The following FHIP1A variants were observed in gnomAD, a reference collection of about 807,000 sequenced individuals.
FHIP1A encodes FHF complex subunit HOOK interacting protein 1A, also known as FHF complex subunit HOOK-interacting protein 1A.
In FHIP1A, 61 loss-of-function variants were observed where a neutral mutation model predicts 88.6. That is an observed-to-expected ratio of 0.69 (90% CI 0.56 to 0.85). The LOEUF (loss-of-function observed/expected upper bound fraction) is 0.85. Ranked by LOEUF, FHIP1A falls within the 40% of genes least tolerant of loss-of-function variation. The pLI, the probability that FHIP1A is intolerant of heterozygous loss-of-function variation, is 0.00. For synonymous variants in FHIP1A, 478 were observed against 496.0 expected, an observed-to-expected ratio of 0.96 and a Z score of 0.48; for missense variants, 1,154 against 1,273.5, an observed-to-expected ratio of 0.91 and a Z score of 1.43.
At chr4:151,565,889 A>G (rs1300285196) in intron 3 of FHIP1A, among the ~76,000 whole-genome samples, 1 of 152,054 alleles carries the variant, frequency 6.6e-6, no homozygotes, top group Non-Finnish European at 1.5e-5. Flanking sequence ...GGCTGGTTGT[A>G]GTGGAGAGAA....
intron 3 of FHIP1A, among the ~76,000 whole-genome samples, chr4:151,536,985 C>T (rs893878502): frequency 6.6e-6 from 1 of 152,138 alleles, no homozygotes; most frequent in African/African-American, 2.4e-5. Flanking sequence ...AGCGATCCTC[C>T]CACTTCAGCT....
rs1276275182 is a variant in FHIP1A at position 151,664,584 on chromosome 4, C to T, written c.*1830C>T. Among the ~76,000 whole-genome samples the T allele has an allele frequency of 1.3e-5, 2 of 152,232 alleles. No individual in the cohort carries two copies. Among genetic ancestry groups the T allele is most frequent in the Non-Finnish European group, 2.9e-5 (2 of 68,046 alleles). ...AAGGGATGAAGCACAGCAGACTGGT[C>T]TGCTTCTGGCTTCCTGATGTCTGGT... On this transcript the variant is annotated 3_prime_UTR_variant, in exon 14 of 14. Transcript: ENST00000435205.
At chr4:151,526,968 C>T (rs1288179896) in intron 3 of FHIP1A, among the ~76,000 whole-genome samples, 3 of 151,602 alleles carry the variant, frequency 2.0e-5, no homozygotes, top group African/African-American at 4.9e-5. Flanking sequence ...GATGGGATGG[C>T]GGCTGGGAAG....
At chr4:151,498,024 A>G (rs1179461962) in intron 3 of FHIP1A, among the ~76,000 whole-genome samples, 2 of 151,730 alleles carry the variant, frequency 1.3e-5, no homozygotes, top group Non-Finnish European at 2.9e-5. Flanking sequence ...CCTACCCTCA[A>G]TGTCTCCTCT....
intron 5 of FHIP1A, among the ~76,000 whole-genome samples, chr4:151,582,710 G>T (rs1734070172): frequency 6.6e-6 from 1 of 152,128 alleles, no homozygotes; most frequent in African/African-American, 2.4e-5. Context: ...AGTGAAAAAT[G>T]GGTTAATGCT....
At chr4:151,447,653 A>G (rs1728655259) in intron 1 of FHIP1A, among the ~76,000 whole-genome samples, 1 of 152,142 alleles carries the variant, frequency 6.6e-6, no homozygotes, top group Non-Finnish European at 1.5e-5. Flanking sequence ...CTAACCCCCA[A>G]TACCTCAGAA....
intron 1 of FHIP1A, among the ~76,000 whole-genome samples, chr4:151,425,574 CT>C (rs1226824922): frequency 6.6e-6 from 1 of 152,070 alleles, no homozygotes; most frequent in Non-Finnish European, 1.5e-5. Context: ...TTCACATAGA[CT>C]TTTTTTAGAT....
chr4:151,450,710 A>T (rs555710731), intron 1 of FHIP1A, among the ~76,000 whole-genome samples: 1 of 152,330 alleles, frequency 6.6e-6, no homozygotes, highest in African/African-American at 2.4e-5. Flanking sequence ...AACAACTTTT[A>T]ATATTTGTAC....
chr4:151,645,714 G>C (rs1287908502), intron 9 of FHIP1A, among the ~76,000 whole-genome samples: 4 of 151,390 alleles, frequency 2.6e-5, no homozygotes, highest in African/African-American at 9.7e-5. Context: ...CTCCATTTTT[G>C]TTTAAATAAG....
chr4:151,412,606 T>TCCTTCCTTCCTC (rs1732700246), intron 1 of FHIP1A, among the ~76,000 whole-genome samples: 2 of 138,690 alleles, frequency 1.4e-5, no homozygotes, highest in African/African-American at 5.6e-5. Flanking sequence ...CTTCCTTCCT[T>TCCTTCCTTCCTC]CCTTCCTCCC....
At chr4:151,504,802 G>A (rs1047878431) in intron 3 of FHIP1A, among the ~76,000 whole-genome samples, 24 of 152,084 alleles carry the variant, frequency 1.6e-4, no homozygotes, top group Admixed American at 1.4e-3. Context: ...ATTTTTAGGA[G>A]AGAAGGGGTT....
chr4:151,433,507 AT>A (rs1277836044), intron 1 of FHIP1A, among the ~76,000 whole-genome samples: 10 of 152,104 alleles, frequency 6.6e-5, no homozygotes, highest in Non-Finnish European at 1.5e-4. Context: ...GACTACTTAG[AT>A]TAGTTTGAAA....
chr4:151,502,157 G>GAAAAAAAA (rs370065238), intron 3 of FHIP1A, among the ~76,000 whole-genome samples: 6 of 114,104 alleles, frequency 5.3e-5, no homozygotes, highest in African/African-American at 6.5e-5. Context: ...CTCTACAAAA[G>GAAAAAAAA]AAAAAAAAAA....
At chr4:151,655,148 T>C (rs1560824806) in intron 11 of FHIP1A, among the ~76,000 whole-genome samples, 3 of 152,244 alleles carry the variant, frequency 2.0e-5, no homozygotes, top group African/African-American at 7.2e-5. Flanking sequence ...GACATCTTCA[T>C]AAGGCATGGC....
Position 151,577,430 on chromosome 4 carries a change from A to G in FHIP1A, c.106-20A>G. On this transcript the variant is annotated intron_variant, in intron 4 of 13. Coordinates refer to ENST00000435205, the MANE Select transcript of FHIP1A (RefSeq NM_001109977.3). The stretch of plus-strand genomic sequence containing the variant: ...TATGATAAACATCAGATGGATGACA[A>G]ATGCTTGACTTGGTTACAGGTTGTG... 3 of 1,501,438 alleles carry G rather than the reference A, an allele frequency of 2.0e-6. No individual in the cohort carries two copies. Among genetic ancestry groups the G allele is most frequent in the Non-Finnish European group, 2.7e-6 (3 of 1,121,678 alleles). The allele number at this position is 1,501,438 out of a possible 1,614,324, so 93.0% of individuals were successfully genotyped here.
At chr4:151,476,995 A>G (rs1453863435) in intron 2 of FHIP1A, among the ~76,000 whole-genome samples, 3 of 152,336 alleles carry the variant, frequency 2.0e-5, no homozygotes, top group African/African-American at 7.2e-5. Context: ...AAGATACGAA[A>G]AAATGGAAAG....
intron 7 of FHIP1A, among the ~76,000 whole-genome samples, chr4:151,624,099 AG>A (rs1419062320): frequency 1.3e-5 from 2 of 152,204 alleles, no homozygotes; most frequent in Non-Finnish European, 2.9e-5. Context: ...GTATAGGAAA[AG>A]TTAGGAACCC....
At chr4:151,416,072 T>TA (rs1249849039) in intron 1 of FHIP1A, among the ~76,000 whole-genome samples, 1 of 152,232 alleles carries the variant, frequency 6.6e-6, no homozygotes, top group Non-Finnish European at 1.5e-5. Context: ...TGTTAAAGTT[T>TA]ACCTCTGTTG....
chr4:151,650,312 A>G lies in FHIP1A; in HGVS notation c.2271A>G (p.Gln757=). ...ESEELIAQYD[Q]IIKELDSGAE... is the part of the protein sequence containing the mutation. ...AGGAGCTCATTGCCCAGTATGACCAAATCATTAAAGAGCTGGATTCCGGCG... is the reference window on the plus strand; with the variant it reads ...AGGAGCTCATTGCCCAGTATGACCAGATCATTAAAGAGCTGGATTCCGGCG... Residue 757 remains glutamine, a synonymous_variant, in exon 11 of 14, where the codon CAA becomes CAG. Transcript: ENST00000435205. 1.3e-6 allele frequency: 2 copies of G among 1,551,706 alleles called. No homozygotes were observed. Among genetic ancestry groups the G allele is most frequent in the Non-Finnish European group, 1.7e-6 (2 of 1,146,998 alleles).
Sources: gnomAD v4.1 joint callset for allele counts (sites outside exome capture counted in the v4.1 genomes callset) on GRCh38, gnomAD v4.1.1 for gene constraint, MANE v1.5 for transcripts, NCBI Gene and HGNC (gene_info 2026-07-23, HGNC 2026-07-21) for gene names.